Variants in C21orf58 observed in about 807,000 individuals in gnomAD.
C21orf58 encodes the protein uncharacterized protein C21orf58.
A neutral mutation model predicts 35.8 loss-of-function variants in C21orf58; 34 were observed. That is an observed-to-expected ratio of 0.95 (90% CI 0.72 to 1.26). The LOEUF is 1.26. Among genes scored for constraint, C21orf58 ranks in the 50% most tolerant of loss-of-function variants. C21orf58 has a pLI of 0.00. For synonymous variants in C21orf58, 191 were observed against 175.8 expected (o/e 1.09, Z -0.68); for missense variants, 440 against 414.3 (o/e 1.06, Z -0.54).
In C21orf58 at chr21:46,323,840, G is replaced by C. The variant is rs2083260361; in HGVS notation, c.-1102C>G. ...CTGGTGGACACAAAGCCCAGGGGCC[G>C]CCCGCGCGGGACCAGCAGCGCGAAC... On this transcript the variant is annotated 5_prime_UTR_variant, in exon 1 of 8. Coordinates refer to ENST00000291691, the MANE Select transcript of C21orf58 (RefSeq NM_058180.5). 2 of 364,788 alleles carry C rather than the reference G, an allele frequency of 5.5e-6. No individual in the cohort carries two copies. Among genetic ancestry groups the C allele is most frequent in the African/African-American group, 2.2e-5 (1 of 45,972 alleles). The allele number at this position is 364,788 out of a possible 1,614,324, so 22.6% of individuals were successfully genotyped here. A position where few individuals can be genotyped will look rare whatever the true frequency, so the allele number is the denominator to read the frequency against.
chr21:46,321,821 T>C (rs1163179818), intron 1 of C21orf58, among the ~76,000 whole-genome samples: 2 of 152,008 alleles, frequency 1.3e-5, no homozygotes, highest in African/African-American at 2.4e-5. Flanking sequence ...AGGAAGTGGC[T>C]ATGTGTGGTC....
At chr21:46,313,898 G>A (rs2082853853) in intron 5 of C21orf58, among the ~76,000 whole-genome samples, 1 of 152,090 alleles carries the variant, frequency 6.6e-6, no homozygotes, top group Admixed American at 6.6e-5. Context: ...CTGCACCCCA[G>A]TCACACGAAT....
intron 5 of C21orf58, among the ~76,000 whole-genome samples, chr21:46,313,527 TGA>T (rs1367092061): frequency 6.6e-6 from 1 of 152,206 alleles, no homozygotes; most frequent in African/African-American, 2.4e-5. Context: ...TCACTGGGGC[TGA>T]GAGTGAAACC....
intron 6 of C21orf58, among the ~76,000 whole-genome samples, chr21:46,303,315 GGTAACA>G (rs2145902704): frequency 6.6e-6 from 1 of 152,050 alleles, no homozygotes; most frequent in East Asian, 1.9e-4. Context: ...CTCTAGCCTG[GGTAACA>G]GAGCAAGATA....
At chr21:46,303,933 T>G (rs1354425986) in intron 6 of C21orf58, among the ~76,000 whole-genome samples, 1 of 143,964 alleles carries the variant, frequency 6.9e-6, no homozygotes, top group Admixed American at 7.0e-5. Context: ...TTGTATTTTT[T>G]GTAGAGATGG....
Position 46,302,111 on chromosome 21 carries a change from G to A in C21orf58, c.857C>T (p.Pro286Leu). 6.6e-7 allele frequency: 1 copy of A among 1,525,616 alleles called. No individual in the cohort carries two copies. The allele number at this position is 1,525,616 out of a possible 1,614,324, so 94.5% of individuals were successfully genotyped here. The change falls in exon 8 of 8, where the codon CCA becomes CTA. Residue 286 changes from proline to leucine, a missense_variant. Coordinates refer to ENST00000291691, the MANE Select transcript of C21orf58 (RefSeq NM_058180.5). ...GTGGTGGTGCACGGCAGGCAGCCTT[G>A]GCCTGGCAGCTCGTGGGACCCTCGG... is the stretch of plus-strand genomic sequence containing the variant. ...VPPRVPRAAR[P>L]RLPAVHHHHH...
chr21:46,318,533 C>T (rs899361818), intron 1 of C21orf58: 23 of 1,266,430 alleles, frequency 1.8e-5, no homozygotes, highest in Non-Finnish European at 2.2e-5. Flanking sequence ...TCCAGAAGAA[C>T]CTGTGTGTCA....
intron 6 of C21orf58, among the ~76,000 whole-genome samples, chr21:46,303,190 T>G (rs1264384232): frequency 6.6e-6 from 1 of 151,642 alleles, no homozygotes; most frequent in East Asian, 2.0e-4. Flanking sequence ...TTAAAACATC[T>G]AAGCCAGTTG....
rs2082108134 is a variant in C21orf58, at chr21:46,301,530, G to C, written c.*469C>G. On this transcript the variant is annotated 3_prime_UTR_variant, in exon 8 of 8. Coordinates refer to ENST00000291691, the MANE Select transcript of C21orf58 (RefSeq NM_058180.5). ...GACTTTGTGGTATTTTCCCCATCAG[G>C]ATGTTCACACTTCCATGTGGCTAAA... 4.1e-6 allele frequency: 4 copies of C among 986,196 alleles called. No homozygotes were observed. The highest frequency in any genetic ancestry group is 5.2e-4 in the Middle Eastern group (1 of 1,932). 61.1% of individuals were successfully genotyped at this position (986,196 alleles called of 1,614,324 possible). A position where few individuals can be genotyped will look rare whatever the true frequency, so the allele number is the denominator to read the frequency against.
chr21:46,318,241 T>A (rs1194605906), intron 1 of C21orf58, 21 bp from the exon 2 acceptor site: 1 of 1,610,344 alleles, frequency 6.2e-7, no homozygotes, highest in Admixed American at 1.7e-5. Flanking sequence ...AGAAGAGCCC[T>A]GTGGGAAGAT....
chr21:46,306,141 C>T (rs186735836), intron 6 of C21orf58, among the ~76,000 whole-genome samples: 1 of 151,300 alleles, frequency 6.6e-6, no homozygotes, highest in East Asian at 2.0e-4. Flanking sequence ...AGTGCAATCA[C>T]AGGGTCCTTA....
At chr21:46,308,024 C>T (rs531840199) in intron 6 of C21orf58, among the ~76,000 whole-genome samples, 5 of 151,932 alleles carry the variant, frequency 3.3e-5, no homozygotes, top group African/African-American at 7.2e-5. Flanking sequence ...GACAGAGTCT[C>T]GCTCTGTCAC....
rs893604681 is a variant in C21orf58, at chr21:46,311,700, C to A, written c.610-133G>T. 8.5e-6 allele frequency: 4 copies of A among 471,600 alleles called. No individual in the cohort carries two copies. In the Admixed American group the frequency reaches 1.0e-4, roughly 12 times the overall value. The allele number at this position is 471,600 out of a possible 1,614,324, so 29.2% of individuals were successfully genotyped here. ...CCATCCACCCATCCATCCAACCAAC[C>A]AACCAACCAACCAACCATCCACCCA... On this transcript the variant is annotated intron_variant, in intron 5 of 7. Transcript: ENST00000291691.
intron 6 of C21orf58, among the ~76,000 whole-genome samples, chr21:46,302,986 GC>G (rs1416268900): frequency 6.6e-6 from 1 of 151,456 alleles, no homozygotes; most frequent in Non-Finnish European, 1.5e-5. Context: ...CCCGGGGCGC[GC>G]CCTGAGTCTC....
chr21:46,303,556 C>T (rs983798229), intron 6 of C21orf58, among the ~76,000 whole-genome samples: 2 of 150,106 alleles, frequency 1.3e-5, no homozygotes, highest in Admixed American at 1.3e-4. Flanking sequence ...AAAGGATATT[C>T]AAGTAGCCAA....
In C21orf58 at chr21:46,304,034, T is replaced by G. The variant is rs899757592; in HGVS notation, c.722-1458A>C. On this transcript the variant is annotated intron_variant, in intron 6 of 7. Transcript: ENST00000291691. ...CCAAAGTGCTGGTTTTTTTTTTTTT[T>G]TTTTTTTTTTGAGACGGAGTCTCAC... 7.6e-5 allele frequency among the ~76,000 whole-genome samples: 9 copies of G among 119,130 alleles called. No homozygotes were observed. In the East Asian group the frequency reaches 1.4e-3, roughly 19 times the overall value. 78.2% of individuals were successfully genotyped at this position (119,130 alleles called of 152,430 possible).
downstream of C21orf58, chr21:46,300,872 TTGCACCC>T: frequency 9.1e-7 from 1 of 1,100,422 alleles, no homozygotes; most frequent in South Asian, 1.4e-5. Flanking sequence ...AGAAACATAA[TTGCACCC>T]AAAAAAAAAA....
Position 46,301,838 on chromosome 21 carries a change from G to A in C21orf58, c.*161C>T, listed in dbSNP as rs1208378018. On this transcript the variant is annotated 3_prime_UTR_variant, in exon 8 of 8. Transcript: ENST00000291691. Reference sequence around the variant, plus strand: ...GGCCCCGTGACCAGAAAGCGAGCCTGCCCAGCTTCCCCAGGAGGAGCCTGC... The same window carrying A: ...GGCCCCGTGACCAGAAAGCGAGCCTACCCAGCTTCCCCAGGAGGAGCCTGC... 9.5e-6 allele frequency: 12 copies of A among 1,268,242 alleles called. No homozygotes were observed. The highest frequency in any genetic ancestry group is 9.9e-6 in the Non-Finnish European group (10 of 1,009,080). The allele number at this position is 1,268,242 out of a possible 1,614,324, so 78.6% of individuals were successfully genotyped here.
At chr21:46,321,750 T>G (rs906704219) in intron 1 of C21orf58, among the ~76,000 whole-genome samples, 3 of 152,088 alleles carry the variant, frequency 2.0e-5, no homozygotes, top group Admixed American at 1.3e-4. Flanking sequence ...AGGTGGAGTC[T>G]GCCAGTTTTC....
Sources: gnomAD v4.1 joint callset for allele counts (sites outside exome capture counted in the v4.1 genomes callset) on GRCh38, gnomAD v4.1.1 for gene constraint, MANE v1.5 for transcripts, NCBI Gene and HGNC (gene_info 2026-07-23, HGNC 2026-07-21) for gene names.